The following USP5 variants were observed in gnomAD, a reference collection of about 807,000 sequenced individuals.
The protein encoded by USP5 is ubiquitin carboxyl-terminal hydrolase 5.
USP5 carries 24 observed loss-of-function variants against 102.5 expected under a neutral mutation model. The ratio of observed to expected loss-of-function variants is 0.23; its 90% confidence interval spans 0.17 to 0.33. The LOEUF (loss-of-function observed/expected upper bound fraction) is 0.33. Among genes scored for constraint, USP5 ranks in the 10% least tolerant of loss-of-function variants. USP5 has a pLI of 1.00. For missense variants in USP5, 753 were observed against 1,122.1 expected (o/e 0.67, Z 4.70); for synonymous variants, 460 against 434.8 (o/e 1.06, Z -0.72).
Position 6,864,092 on chromosome 12 carries a change from G to A in USP5, c.2141G>A (p.Gly714Asp). Residue 714 changes from glycine (G) to aspartate (D), a missense_variant, in exon 17 of 20, where the codon GGC becomes GAC. Coordinates refer to ENST00000229268, the MANE Select transcript of USP5 (RefSeq NM_001098536.2). The surrounding 1 kb of genome is among the most constrained non-coding windows in gnomAD (Gnocchi z 4.8). ...ATCCTGCCTGGCTCTAGTGGGCCGG[G>A]CTCCACAAGCGCAGCAGCCGACCCC... Reference protein sequence around the residue: ...PLILPGSSGPGSTSAAADPPP... With the variant: ...PLILPGSSGPDSTSAAADPPP... The A allele has an allele frequency of 1.9e-6, 3 of 1,613,652 alleles. No individual in the cohort carries two copies. Among genetic ancestry groups the A allele is most frequent in the African/African-American group, 2.7e-5 (2 of 75,024 alleles).
chr12:6,858,351 C>A lies in USP5; in HGVS notation c.865-73C>A. The A allele has an allele frequency of 6.7e-7, 1 of 1,494,832 alleles. No homozygotes were observed. The allele number at this position is 1,494,832 out of a possible 1,614,324, so 92.6% of individuals were successfully genotyped here. A position where few individuals can be genotyped will look rare whatever the true frequency, so the allele number is the denominator to read the frequency against. On this transcript the variant is annotated intron_variant, in intron 7 of 19. Coordinates refer to ENST00000229268, the MANE Select transcript of USP5 (RefSeq NM_001098536.2). The surrounding 1 kb of genome is among the most constrained non-coding windows in gnomAD (Gnocchi z 4.2). Reference sequence around the variant, plus strand: ...GGCCACAGTTGAGTATCATCCTAGACTCAGTGAGAGATCGAGGTAAAAACT... The same window carrying A: ...GGCCACAGTTGAGTATCATCCTAGAATCAGTGAGAGATCGAGGTAAAAACT...
Position 6,862,784 on chromosome 12 carries a change from T to C in USP5, c.1762+226T>C, listed in dbSNP as rs781857109. ...ACCAAAAGTGATTTTTGTAGTTTTT[T>C]AAAATAATTGGTAAAATGTTTTCAT... On this transcript the variant is annotated intron_variant, in intron 14 of 19. Transcript: ENST00000229268. Among the ~76,000 whole-genome samples, 5 of 152,364 alleles carry C rather than the reference T, an allele frequency of 3.3e-5. No individual in the cohort carries two copies. The East Asian group carries it at 7.7e-4, about 23-fold the overall frequency.
rs1485417758 is a variant in USP5 at position 6,858,761 on chromosome 12, G to A, written c.1058+144G>A. 14 of 726,302 alleles carry A rather than the reference G, an allele frequency of 1.9e-5. No individual in the cohort carries two copies. Among genetic ancestry groups the A allele is most frequent in the African/African-American group, 3.5e-5 (2 of 56,990 alleles). The allele number at this position is 726,302 out of a possible 1,614,324, so 45.0% of individuals were successfully genotyped here. ...CGGCTGGGTGTGTTGGCCCACACCC[G>A]TAATCCCAGTACTTCGGGAGGCCAA... On this transcript the variant is annotated intron_variant, in intron 8 of 19. Coordinates refer to ENST00000229268, the MANE Select transcript of USP5 (RefSeq NM_001098536.2). The surrounding 1 kb of genome is among the most constrained non-coding windows in gnomAD (Gnocchi z 4.2).
In USP5 at chr12:6,856,386, C is replaced by T. The variant is rs200472768; in HGVS notation, c.520C>T (p.Arg174Trp). The T allele has an allele frequency of 4.3e-6, 7 of 1,613,838 alleles. No homozygotes were observed. In the African/African-American group the frequency reaches 6.7e-5, roughly 15 times the overall value. ...GGTGCAGGCATGGGATGGGGAAGTA[C>T]GGCAGGTGTCTAAGCATGCCTTCAG... ...QEVQAWDGEVRQVSKHAFSLK... is the reference protein window; with the variant it reads ...QEVQAWDGEVWQVSKHAFSLK... Residue 174 changes from arginine to tryptophan, a missense_variant, in exon 5 of 20, where the codon CGG becomes TGG. By Grantham distance (101) the Arg-to-Trp change is moderately radical. Coordinates refer to ENST00000229268, the MANE Select transcript of USP5 (RefSeq NM_001098536.2). This position sits in a 1 kb window ranked among gnomAD's most constrained non-coding sequence, Gnocchi z 5.6.
Position 6,857,684 on chromosome 12 carries a change from C to T in USP5, c.825C>T (p.His275=). The change falls in exon 7 of 20, where the codon CAC becomes CAT. Residue 275 remains histidine, a synonymous_variant. Coordinates refer to ENST00000229268, the MANE Select transcript of USP5 (RefSeq NM_001098536.2). The part of the protein sequence containing the change: ...DMVLDPSLAE[H]LSHFGIDMLK... ...TCCTGGACCCCAGCCTGGCTGAGCA[C>T]CTGTCCCACTTCGGCATCGACATGC... 3.1e-6 allele frequency: 5 copies of T among 1,614,156 alleles called. No homozygotes were observed. The highest frequency in any genetic ancestry group is 4.2e-6 in the Non-Finnish European group (5 of 1,180,036).
At chr12:6,852,422 A>C in intron 1 of USP5, 132 bp downstream of exon 1, 1 of 940,724 alleles carries the variant, frequency 1.1e-6, no homozygotes, top group Non-Finnish European at 1.6e-6. Context: ...CCCACGCTCC[A>C]CTCTGCCGTT....
At position 6,858,862 on chromosome 12, in the gene USP5, A is replaced by AC; in HGVS notation, c.1058+245_1058+246insC. The AC allele has an allele frequency of 2.7e-6, 1 of 373,988 alleles. No individual in the cohort carries two copies. Among genetic ancestry groups the AC allele is most frequent in the East Asian group, 4.1e-5 (1 of 24,590 alleles). The allele number at this position is 373,988 out of a possible 1,614,324, so 23.2% of individuals were successfully genotyped here. A position where few individuals can be genotyped will look rare whatever the true frequency, so the allele number is the denominator to read the frequency against. On this transcript the variant is annotated intron_variant, in intron 8 of 19. Transcript: ENST00000229268. This position sits in a 1 kb window ranked among gnomAD's most constrained non-coding sequence, Gnocchi z 4.2. ...AGCGAGACCCTGTCTTCTCTTAAAAAAAAAAAAGAATAATTCCTGTCACAC... is the reference window on the plus strand; with the variant it reads ...AGCGAGACCCTGTCTTCTCTTAAAAACAAAAAAAGAATAATTCCTGTCACAC...
Position 6,863,362 on chromosome 12 carries a change from TTC to T in USP5, c.1942_1943del (p.Ser648LeufsTer9). On this transcript the variant is annotated frameshift_variant, in exon 15 of 20. Transcript: ENST00000229268. LOFTEE classifies it high-confidence loss of function. This position sits in a 1 kb window ranked among gnomAD's most constrained non-coding sequence, Gnocchi z 4.7. ...CGAAGACTCCTTCTGCTCCCCTCAC[TTC>T]TCCTCTCCGACATGTTAGTGACTCT... The part of the protein sequence containing the change: ...EDEDSFCSPH[F>X]SSPTSPMLDE... 1 of 1,613,956 alleles carries T rather than the reference TTC, an allele frequency of 6.2e-7. No individual in the cohort carries two copies. The highest frequency in any genetic ancestry group is 8.5e-7 in the Non-Finnish European group (1 of 1,179,886).
intron 9 of USP5, 53 bp downstream of exon 9, chr12:6,859,594 C>G: frequency 6.4e-7 from 1 of 1,569,120 alleles, no homozygotes; most frequent in Non-Finnish European, 8.8e-7. Flanking sequence ...GGCCGTATAC[C>G]TTCCTCCTCC....
At position 6,856,005 on chromosome 12, in the gene USP5, C is replaced by T; in HGVS notation, c.305-12C>T. ...ATTGCTCTACTCTCCCTCTTCTTCC[C>T]TATCCTTCCAGGTGTTGAAGGCGGA... On this transcript the variant is annotated splice_polypyrimidine_tract_variant and intron_variant, in intron 3 of 19. Transcript: ENST00000229268. The surrounding 1 kb of genome is among the most constrained non-coding windows in gnomAD (Gnocchi z 5.6). The T allele has an allele frequency of 1.2e-6, 2 of 1,614,158 alleles. No homozygotes were observed. The highest frequency in any genetic ancestry group is 1.7e-6 in the Non-Finnish European group (2 of 1,180,012).
rs1555129191 is a variant in USP5 at position 6,860,128 on chromosome 12, T to C, written c.1131-23T>C. 2 of 1,607,214 alleles carry C rather than the reference T, an allele frequency of 1.2e-6. No homozygotes were observed. Among genetic ancestry groups the C allele is most frequent in the South Asian group, 2.2e-5 (2 of 90,010 alleles). ...GGGTCGTTAGTTGACTGAAGTGAAA[T>C]GTTTTCTTGGATATTAATGCAGGGC... is the stretch of plus-strand genomic sequence containing the variant. On this transcript the variant is annotated intron_variant, in intron 9 of 19. Transcript: ENST00000229268. The surrounding 1 kb of genome is among the most constrained non-coding windows in gnomAD (Gnocchi z 5.5).
Position 6,856,598 on chromosome 12 carries a change from GAA to G in USP5, c.585-108_585-107del, listed in dbSNP as rs1944120522. ...ACACGACATGGGGATGGCCAGAGGA[GAA>G]GAGAGAGAGACCTTGGATTGGCGGG... On this transcript the variant is annotated intron_variant, in intron 5 of 19. Transcript: ENST00000229268. The surrounding 1 kb of genome is among the most constrained non-coding windows in gnomAD (Gnocchi z 5.6). 5 of 1,537,072 alleles carry G rather than the reference GAA, an allele frequency of 3.3e-6. No individual in the cohort carries two copies.
intron 1 of USP5, among the ~76,000 whole-genome samples, chr12:6,852,595 C>A (rs1555127186): frequency 6.6e-6 from 1 of 152,282 alleles, no homozygotes; most frequent in Admixed American, 6.5e-5. Flanking sequence ...GACTACATCC[C>A]CCAAGTGGAC....
Position 6,863,486 on chromosome 12 carries a change from T to C in USP5, c.1954+109T>C, listed in dbSNP as rs868931126. 2.0e-5 allele frequency: 27 copies of C among 1,356,300 alleles called. No individual in the cohort carries two copies. In the Middle Eastern group the frequency reaches 7.5e-4, roughly 38 times the overall value. 84.0% of individuals were successfully genotyped at this position (1,356,300 alleles called of 1,614,324 possible). The stretch of plus-strand genomic sequence containing the variant: ...GTTTCTCCTGTCCTCCCTTTCAAAT[T>C]TCCTCTGCCCTCTTTGATTGACATG... On this transcript the variant is annotated intron_variant, in intron 15 of 19. Coordinates refer to ENST00000229268, the MANE Select transcript of USP5 (RefSeq NM_001098536.2). This position sits in a 1 kb window ranked among gnomAD's most constrained non-coding sequence, Gnocchi z 4.7.
chr12:6,852,171 G>A lies in USP5; in HGVS notation c.-9G>A. ...AGCCGCCGTGTGTGGAGAAGCTGCT[G>A]CCGGTGTCATGGCGGAGCTGAGTGA... On this transcript the variant is annotated 5_prime_UTR_variant, in exon 1 of 20. Coordinates refer to ENST00000229268, the MANE Select transcript of USP5 (RefSeq NM_001098536.2). The A allele has an allele frequency of 1.9e-6, 3 of 1,607,874 alleles. No individual in the cohort carries two copies. The highest frequency in any genetic ancestry group is 2.5e-6 in the Non-Finnish European group (3 of 1,177,644).
Position 6,857,594 on chromosome 12 carries a change from A to T in USP5, c.770-35A>T, listed in dbSNP as rs1555128600. 1.9e-6 allele frequency: 3 copies of T among 1,595,458 alleles called. No individual in the cohort carries two copies. In the South Asian group the frequency reaches 3.3e-5, roughly 18 times the overall value. The stretch of plus-strand genomic sequence containing the variant: ...ATGGTGGCCTGGCTAGTCCTGAGCC[A>T]CTTCCCCTGATTCTCTTCCTGCCTC... On this transcript the variant is annotated intron_variant, in intron 6 of 19. Coordinates refer to ENST00000229268, the MANE Select transcript of USP5 (RefSeq NM_001098536.2).
At position 6,855,968 on chromosome 12, in the gene USP5, T is replaced by G; in HGVS notation, c.305-49T>G. Reference sequence around the variant, plus strand: ...AGGTGCTGGCTCGGAGGAGGGACATTGACCTGTTGTCATTGCTCTACTCTC... The same window carrying G: ...AGGTGCTGGCTCGGAGGAGGGACATGGACCTGTTGTCATTGCTCTACTCTC... On this transcript the variant is annotated intron_variant, in intron 3 of 19. Transcript: ENST00000229268. This position sits in a 1 kb window ranked among gnomAD's most constrained non-coding sequence, Gnocchi z 4.6. The G allele has an allele frequency of 6.2e-7, 1 of 1,611,456 alleles. No individual in the cohort carries two copies. The highest frequency in any genetic ancestry group is 8.5e-7 in the Non-Finnish European group (1 of 1,177,900).
chr12:6,852,169 C>G lies in USP5; in HGVS notation c.-11C>G. The G allele has an allele frequency of 6.2e-7, 1 of 1,606,698 alleles. No individual in the cohort carries two copies. The highest frequency in any genetic ancestry group is 8.5e-7 in the Non-Finnish European group (1 of 1,177,084). On this transcript the variant is annotated 5_prime_UTR_variant, in exon 1 of 20. Coordinates refer to ENST00000229268, the MANE Select transcript of USP5 (RefSeq NM_001098536.2). ...GGAGCCGCCGTGTGTGGAGAAGCTGCTGCCGGTGTCATGGCGGAGCTGAGT... is the reference window on the plus strand; with the variant it reads ...GGAGCCGCCGTGTGTGGAGAAGCTGGTGCCGGTGTCATGGCGGAGCTGAGT...
chr12:6,864,256 G>A lies in USP5; in HGVS notation c.2244+61G>A. The A allele has an allele frequency of 1.3e-6, 2 of 1,517,904 alleles. No homozygotes were observed. The highest frequency in any genetic ancestry group is 2.2e-5 in the Admixed American group (1 of 46,396). The allele number at this position is 1,517,904 out of a possible 1,614,324, so 94.0% of individuals were successfully genotyped here. A position where few individuals can be genotyped will look rare whatever the true frequency, so the allele number is the denominator to read the frequency against. On this transcript the variant is annotated intron_variant, in intron 17 of 19. Coordinates refer to ENST00000229268, the MANE Select transcript of USP5 (RefSeq NM_001098536.2). This position sits in a 1 kb window ranked among gnomAD's most constrained non-coding sequence, Gnocchi z 4.8. ...GGGGAAGAAGGGGGTGGGAATGAGGGGCCATCCTTCTTGAGCAAGACCAAA... is the reference window on the plus strand; with the variant it reads ...GGGGAAGAAGGGGGTGGGAATGAGGAGCCATCCTTCTTGAGCAAGACCAAA...
Sources: gnomAD v4.1 joint callset for allele counts (sites outside exome capture counted in the v4.1 genomes callset) on GRCh38, gnomAD v4.1.1 for gene constraint, Gnocchi (gnomAD v3.1) non-coding constraint, MANE v1.5 for transcripts, NCBI Gene and HGNC (gene_info 2026-07-23, HGNC 2026-07-21) for gene names.